Variants in AKAP7 observed in about 807,000 individuals in gnomAD.
AKAP7 encodes the protein A-kinase anchoring protein 7.
In AKAP7, 39 loss-of-function variants were observed where a neutral mutation model predicts 39.5. The ratio of observed to expected loss-of-function variants is 0.99; its 90% CI spans 0.76 to 1.29. The LOEUF is 1.29. AKAP7 is among the 50% of genes most tolerant of loss of function. AKAP7 has a pLI of 0.00. For missense variants in AKAP7, 414 were observed against 407.7 expected (o/e 1.02, Z -0.13); for synonymous variants, 140 against 139.1 (o/e 1.01, Z -0.05).
chr6:131,149,280 AGAATATAAAAG>A (rs2128229721), intron 2 of AKAP7, among the ~76,000 whole-genome samples: 1 of 152,370 alleles, frequency 6.6e-6, no homozygotes, highest in East Asian at 1.9e-4. Flanking sequence ...ACTAAATATG[AGAATATAAAAG>A]TATATTAGAA....
intron 1 of AKAP7, among the ~76,000 whole-genome samples, chr6:131,141,023 A>G (rs1800984818): frequency 6.6e-6 from 1 of 152,238 alleles, no homozygotes. Flanking sequence ...TGTAATATAA[A>G]TAGTAACATT....
intron 6 of AKAP7, among the ~76,000 whole-genome samples, chr6:131,206,688 T>C (rs1403133829): frequency 1.3e-5 from 2 of 152,200 alleles, no homozygotes; most frequent in African/African-American, 2.4e-5. Context: ...TCCCTAACTG[T>C]GAGCCCTGAT....
chr6:131,235,079 C>T (rs967732573), intron 7 of AKAP7, among the ~76,000 whole-genome samples: 1 of 151,924 alleles, frequency 6.6e-6, no homozygotes, highest in Non-Finnish European at 1.5e-5. Flanking sequence ...CACAACAGGC[C>T]CTGGTGTGTG....
chr6:131,190,104 T>C (rs1354674785), intron 5 of AKAP7, among the ~76,000 whole-genome samples: 2 of 152,234 alleles, frequency 1.3e-5, no homozygotes, highest in African/African-American at 2.4e-5. Flanking sequence ...CAATAGATTA[T>C]ACTACTGTTA....
intron 6 of AKAP7, 77 bp downstream of exon 6, chr6:131,199,650 A>G (rs1378500427): frequency 1.7e-6 from 2 of 1,166,656 alleles, no homozygotes; most frequent in Admixed American, 3.6e-5. Flanking sequence ...CACGAGTGAC[A>G]TTGCTGTGGT....
In AKAP7 at chr6:131,281,398, C is replaced by T; in HGVS notation, c.851-132C>T. The T allele has an allele frequency of 1.5e-6, 1 of 654,634 alleles. No homozygotes were observed. Among genetic ancestry groups the T allele is most frequent in the Non-Finnish European group, 2.4e-6 (1 of 419,446 alleles). The allele number at this position is 654,634 out of a possible 1,614,324, so 40.6% of individuals were successfully genotyped here. On this transcript the variant is annotated intron_variant, in intron 7 of 7. Transcript: ENST00000431975. This position sits in a 1 kb window ranked among gnomAD's most constrained non-coding sequence, Gnocchi z 4.0. ...CTGCAAATACCAAATGAAAAGCCAACCCACTGTTCTTGAATTTATAGATCC... is the reference window on the plus strand; with the variant it reads ...CTGCAAATACCAAATGAAAAGCCAATCCACTGTTCTTGAATTTATAGATCC...
chr6:131,233,682 C>G (rs776033548), intron 7 of AKAP7, among the ~76,000 whole-genome samples: 19 of 152,006 alleles, frequency 1.2e-4, no homozygotes, highest in Non-Finnish European at 5.9e-5. Flanking sequence ...TTAGGAAAAA[C>G]CTTGAACTCT....
At chr6:131,166,910 T>C (rs1803555815) in intron 4 of AKAP7, among the ~76,000 whole-genome samples, 1 of 152,190 alleles carries the variant, frequency 6.6e-6, no homozygotes, top group Non-Finnish European at 1.5e-5. Flanking sequence ...AGTTGTTTAA[T>C]AGTATACTGA....
At chr6:131,280,506 CCTGT>C (rs1386858988) in intron 7 of AKAP7, among the ~76,000 whole-genome samples, 2 of 152,214 alleles carry the variant, frequency 1.3e-5, no homozygotes, top group Non-Finnish European at 2.9e-5. Flanking sequence ...TTTGTATCTG[CCTGT>C]CTCAGACCCA....
intron 7 of AKAP7, among the ~76,000 whole-genome samples, chr6:131,277,753 G>A (rs1814866794): frequency 1.3e-5 from 2 of 152,156 alleles, no homozygotes; most frequent in Non-Finnish European, 2.9e-5. Context: ...ACTCATCCCT[G>A]GGCTAATGGT....
At chr6:131,249,157 A>G (rs1298696210) in intron 7 of AKAP7, among the ~76,000 whole-genome samples, 1 of 152,166 alleles carries the variant, frequency 6.6e-6, no homozygotes, top group African/African-American at 2.4e-5. Flanking sequence ...TTTTTATTCC[A>G]TAGATCTTCA....
At chr6:131,145,229 G>A (rs1801383871) in intron 1 of AKAP7, 56 bp from the exon 2 acceptor site, 2 of 1,197,414 alleles carry the variant, frequency 1.7e-6, no homozygotes, top group Non-Finnish European at 2.2e-6. Context: ...TTTAGGATAT[G>A]TTTAAATAAT....
intron 5 of AKAP7, among the ~76,000 whole-genome samples, chr6:131,187,439 C>T (rs1215853322): frequency 6.6e-6 from 1 of 151,100 alleles, no homozygotes; most frequent in African/African-American, 2.4e-5. Flanking sequence ...TCTTAATTTC[C>T]TTTCACATTG....
intron 5 of AKAP7, among the ~76,000 whole-genome samples, chr6:131,195,355 C>T (rs1366725019): frequency 1.3e-5 from 2 of 152,066 alleles, no homozygotes; most frequent in South Asian, 2.1e-4. Flanking sequence ...CACTTGTTAA[C>T]TTTTTGTTGT....
At chr6:131,138,667 G>T (rs181159976) in intron 1 of AKAP7, among the ~76,000 whole-genome samples, 12 of 152,218 alleles carry the variant, frequency 7.9e-5, no homozygotes, top group Non-Finnish European at 1.5e-4. Flanking sequence ...GTAATAGAGT[G>T]ACTGGATTCC....
intron 5 of AKAP7, among the ~76,000 whole-genome samples, chr6:131,192,832 GT>G (rs1480411914): frequency 1.3e-5 from 2 of 151,912 alleles, no homozygotes; most frequent in African/African-American, 4.8e-5. Flanking sequence ...GTTTAATTTT[GT>G]TTGTGACTGT....
chr6:131,133,639 A>T (rs777773398), upstream of AKAP7, among the ~76,000 whole-genome samples: 6 of 152,210 alleles, frequency 3.9e-5, no homozygotes, highest in Non-Finnish European at 7.3e-5. Flanking sequence ...CTCTTGGTAC[A>T]CACCACAGGG....
chr6:131,281,569 T>A lies in AKAP7; in HGVS notation c.890T>A (p.Val297Glu), dbSNP rs1815193702. 2 of 1,612,996 alleles carry A rather than the reference T, an allele frequency of 1.2e-6. No individual in the cohort carries two copies. The highest frequency in any genetic ancestry group is 1.7e-6 in the Non-Finnish European group (2 of 1,179,416). The change falls in exon 8 of 8, where the codon GTA (valine) becomes GAA (glutamate). Residue 297 changes from valine to glutamate, a missense_variant. Transcript: ENST00000431975. The surrounding 1 kb of genome is among the most constrained non-coding windows in gnomAD (Gnocchi z 4.0). ...NGGEPDDAEL[V>E]RLSKRLVENA... Reference sequence around the variant, plus strand: ...GGGGAGCCCGATGACGCTGAACTAGTAAGGCTCAGTAAGAGGCTGGTGGAG... The same window carrying A: ...GGGGAGCCCGATGACGCTGAACTAGAAAGGCTCAGTAAGAGGCTGGTGGAG...
chr6:131,126,740 C>T, the AKAP7 span, among the ~76,000 whole-genome samples: 4 of 152,150 alleles, frequency 2.6e-5, no homozygotes, highest in African/African-American at 9.7e-5. Flanking sequence ...CATATTCATG[C>T]GTCTTGTCTC....
Sources: allele counts gnomAD v4.1 joint callset (sites outside exome capture counted in the v4.1 genomes callset), GRCh38; gene constraint gnomAD v4.1.1; non-coding constraint Gnocchi (gnomAD v3.1); transcripts MANE v1.5; gene names NCBI Gene and HGNC (gene_info 2026-07-23, HGNC 2026-07-21).